Variants in SOAT1 observed in about 807,000 individuals in gnomAD.
SOAT1 encodes the protein acyl-coenzyme A:cholesterol acyltransferase 1.
A neutral mutation model predicts 69.5 loss-of-function variants in SOAT1; 55 were observed. The observed-to-expected ratio is 0.79, with a 90% confidence interval of 0.64 to 0.99. The LOEUF is 0.99. SOAT1 is among the 50% of genes least tolerant of loss of function. The pLI, the probability that SOAT1 is intolerant of heterozygous loss-of-function variation, is 0.00. For missense variants in SOAT1, 580 were observed against 669.3 expected (o/e 0.87, Z 1.47); for synonymous variants, 231 against 224.7 (o/e 1.03, Z -0.25).
chr1:179,332,339 C>G (rs1025663877), intron 3 of SOAT1, among the ~76,000 whole-genome samples: 1 of 152,146 alleles, frequency 6.6e-6, no homozygotes, highest in Non-Finnish European at 1.5e-5. Flanking sequence ...CTTTTCCAGC[C>G]TTATCTCTGA....
chr1:179,305,118 T>C (rs1391465312), intron 2 of SOAT1, among the ~76,000 whole-genome samples: 1 of 152,138 alleles, frequency 6.6e-6, no homozygotes, highest in Non-Finnish European at 1.5e-5. Context: ...CCTCTTAGCC[T>C]CTAGCAACCA....
intron 3 of SOAT1, among the ~76,000 whole-genome samples, chr1:179,327,647 A>C (rs1040877817): frequency 6.6e-6 from 1 of 152,228 alleles, no homozygotes; most frequent in African/African-American, 2.4e-5. Context: ...CTGAAATTTA[A>C]ATTTAAATAT....
intron 1 of SOAT1, among the ~76,000 whole-genome samples, chr1:179,300,347 T>G (rs1387309460): frequency 6.6e-6 from 1 of 152,214 alleles, no homozygotes; most frequent in Non-Finnish European, 1.5e-5. Context: ...ATAGATGCTC[T>G]TGTGGCTTCC....
intron 1 of SOAT1, among the ~76,000 whole-genome samples, chr1:179,295,361 C>G (rs1219399568): frequency 2.6e-5 from 4 of 152,210 alleles, no homozygotes; most frequent in African/African-American, 9.6e-5. Context: ...CTGGAAATCA[C>G]CCCATCCCCA....
intron 1 of SOAT1, among the ~76,000 whole-genome samples, chr1:179,300,520 G>C (rs918388712): frequency 6.6e-6 from 1 of 152,070 alleles, no homozygotes; most frequent in Non-Finnish European, 1.5e-5. Context: ...TCATTTGTTT[G>C]ATTTCAGAAA....
At chr1:179,345,914 T>C (rs1255672380) in intron 11 of SOAT1, among the ~76,000 whole-genome samples, 3 of 118,852 alleles carry the variant, frequency 2.5e-5, no homozygotes, top group South Asian at 5.4e-4. Flanking sequence ...TAAATATATT[T>C]ATTGCATTTT....
rs571923939 is a variant in SOAT1, at chr1:179,307,760, C to T, written c.118+4958C>T. Among the ~76,000 whole-genome samples the T allele has an allele frequency of 9.2e-5, 14 of 151,606 alleles. No homozygotes were observed. The East Asian group carries it at 1.5e-3, about 17-fold the overall frequency. ...ATAGCAAATATGAAAGCACTTTCTG[C>T]GTATGTAGCACTGTGTTCATCAAGG... On this transcript the variant is annotated intron_variant, in intron 2 of 15. Coordinates refer to ENST00000367619, the MANE Select transcript of SOAT1 (RefSeq NM_003101.6).
At chr1:179,325,256 TCTC>T (rs1665746176) in intron 3 of SOAT1, among the ~76,000 whole-genome samples, 1 of 149,274 alleles carries the variant, frequency 6.7e-6, no homozygotes, top group Admixed American at 6.9e-5. Context: ...TTCACACCAT[TCTC>T]CTGCATCAGC....
intron 13 of SOAT1, among the ~76,000 whole-genome samples, 172 bp downstream of exon 13, chr1:179,349,114 G>A (rs1482786008): frequency 6.6e-6 from 1 of 152,004 alleles, no homozygotes; most frequent in Non-Finnish European, 1.5e-5. Context: ...GCTTTGAATG[G>A]TACTGCTTAG....
At chr1:179,300,157 C>G (rs1363161951) in intron 1 of SOAT1, among the ~76,000 whole-genome samples, 1 of 151,690 alleles carries the variant, frequency 6.6e-6, no homozygotes, top group Non-Finnish European at 1.5e-5. Flanking sequence ...AAAAAAAAGT[C>G]TCTGTTCATC....
At chr1:179,323,307 G>T in intron 2 of SOAT1, 130 bp from the exon 3 acceptor site, 1 of 636,216 alleles carries the variant, frequency 1.6e-6, no homozygotes, top group South Asian at 2.3e-5. Context: ...CCATGCTGTC[G>T]TGTTTTATGG....
chr1:179,303,201 A>G (rs2124936073), intron 2 of SOAT1, among the ~76,000 whole-genome samples: 1 of 152,340 alleles, frequency 6.6e-6, no homozygotes, highest in South Asian at 2.1e-4. Context: ...AACTACTTTC[A>G]TAATAGATGT....
chr1:179,296,344 G>A (rs1258792120), intron 1 of SOAT1, among the ~76,000 whole-genome samples: 4 of 152,154 alleles, frequency 2.6e-5, no homozygotes, highest in Admixed American at 2.6e-4. Context: ...CACAGTTCTA[G>A]GCATCCACTG....
At chr1:179,345,227 A>G (rs1342182588) in intron 11 of SOAT1, 151 bp downstream of exon 11, 1 of 704,430 alleles carries the variant, frequency 1.4e-6, no homozygotes, top group African/African-American at 1.8e-5. Context: ...TACTTTATAA[A>G]TGAAGTATCC....
At position 179,357,083 on chromosome 1, in the gene SOAT1, G is replaced by A. The variant is rs950728668; in HGVS notation, c.*3442G>A. 1 of 152,176 alleles carries A rather than the reference G, an allele frequency of 6.6e-6. No homozygotes were observed. Among genetic ancestry groups the A allele is most frequent in the African/African-American group, 2.4e-5 (1 of 41,424 alleles). The allele number at this position is 152,176 out of a possible 1,614,324, so 9.4% of individuals were successfully genotyped here. ...TACATAACAATGCTACATATGGTAT[G>A]TATACATACACTGTATACACACAAA... On this transcript the variant is annotated 3_prime_UTR_variant, in exon 16 of 16. Coordinates refer to ENST00000367619, the MANE Select transcript of SOAT1 (RefSeq NM_003101.6).
At chr1:179,321,946 G>A (rs554434716) in intron 2 of SOAT1, among the ~76,000 whole-genome samples, 128 of 151,082 alleles carry the variant, frequency 8.5e-4, no homozygotes, top group Non-Finnish European at 1.6e-3. Flanking sequence ...GCAGTGGTGC[G>A]ATCACGCTCA....
chr1:179,294,964 T>C (rs1451687265), intron 1 of SOAT1, among the ~76,000 whole-genome samples: 1 of 152,002 alleles, frequency 6.6e-6, no homozygotes, highest in Non-Finnish European at 1.5e-5. Flanking sequence ...TTTTTAAAAG[T>C]TGGGCGGTGT....
intron 9 of SOAT1, among the ~76,000 whole-genome samples, chr1:179,343,340 T>G (rs749528641): frequency 6.6e-5 from 10 of 152,114 alleles, no homozygotes; most frequent in Non-Finnish European, 1.0e-4. Context: ...TTCTCCTGCC[T>G]CAGCATCCCA....
chr1:179,348,755 G>A (rs1466541936), intron 12 of SOAT1, 89 bp from the exon 13 acceptor site: 2 of 673,838 alleles, frequency 3.0e-6, no homozygotes, highest in Admixed American at 2.3e-5. Context: ...TTGCTTTCGG[G>A]TGGGATGTGT....
Sources: gnomAD v4.1 joint callset for allele counts (sites outside exome capture counted in the v4.1 genomes callset) on GRCh38, gnomAD v4.1.1 for gene constraint, MANE v1.5 for transcripts, NCBI Gene and HGNC (gene_info 2026-07-23, HGNC 2026-07-21) for gene names.